The following NAT10 variants were observed in gnomAD, a reference collection of about 807,000 sequenced individuals.
NAT10 encodes the protein RNA cytidine acetyltransferase.
NAT10 carries 109 observed loss-of-function variants against 132.2 expected under a neutral mutation model. The observed-to-expected ratio is 0.82, with a 90% CI of 0.71 to 0.97. The LOEUF is 0.97. Among genes scored for constraint, NAT10 ranks in the 50% least tolerant of loss-of-function variants. The pLI is 0.00. For synonymous variants in NAT10, 479 were observed against 478.0 expected (o/e 1.00, Z -0.03); for missense variants, 1,184 against 1,263.4 (o/e 0.94, Z 0.95).
intron 10 of NAT10, among the ~76,000 whole-genome samples, 181 bp downstream of exon 10, chr11:34,124,036 G>C (rs1851942248): frequency 6.6e-6 from 1 of 152,190 alleles, no homozygotes; most frequent in South Asian, 2.1e-4. Flanking sequence ...GGGTGTGGTG[G>C]CGCATGCCTG....
intron 4 of NAT10, among the ~76,000 whole-genome samples, chr11:34,113,144 G>A (rs1851724340): frequency 1.3e-5 from 2 of 152,158 alleles, no homozygotes; most frequent in African/African-American, 4.8e-5. Flanking sequence ...TCAATTGCCT[G>A]AATAATGACT....
At chr11:34,135,143 C>G (rs528938613) in intron 18 of NAT10, 32 bp from the exon 19 acceptor site, 1 of 1,568,412 alleles carries the variant, frequency 6.4e-7, no homozygotes, top group East Asian at 2.2e-5. Context: ...GCTCTCTTCC[C>G]TCGGCCTCTT....
intron 16 of NAT10, among the ~76,000 whole-genome samples, chr11:34,133,923 C>T (rs901774693): frequency 1.3e-5 from 2 of 150,720 alleles, no homozygotes; most frequent in South Asian, 2.1e-4. Context: ...GAGGCCGAGG[C>T]GGGCGGATCA....
chr11:34,139,667 G>C (rs1852285916), intron 23 of NAT10, among the ~76,000 whole-genome samples, 172 bp downstream of exon 23: 3 of 152,182 alleles, frequency 2.0e-5, no homozygotes, highest in Non-Finnish European at 4.4e-5. Flanking sequence ...AGGCTGTGCT[G>C]TCTTTCATTT....
chr11:34,141,900 C>T, intron 26 of NAT10, 83 bp downstream of exon 26: 4 of 1,189,484 alleles, frequency 3.4e-6, no homozygotes, highest in Non-Finnish European at 4.9e-6. Context: ...CTTCCCCTTC[C>T]CCTTTAGAAA....
At chr11:34,124,449 A>G (rs773733413) in intron 11 of NAT10, 49 bp downstream of exon 11, 1 of 1,357,574 alleles carries the variant, frequency 7.4e-7, no homozygotes, top group Non-Finnish European at 1.0e-6. Context: ...GTCTTGCTGT[A>G]TTTAACTGGC....
At chr11:34,117,172 CT>C (rs138478851) in intron 6 of NAT10, among the ~76,000 whole-genome samples, 12,967 of 152,250 alleles carry the variant, frequency 0.085, 572 homozygotes, top group African/African-American at 0.092. Context: ...CAGCAGGGAC[CT>C]GTTTAACTGA....
chr11:34,133,968 C>A (rs192547185), intron 16 of NAT10, among the ~76,000 whole-genome samples: 2 of 149,192 alleles, frequency 1.3e-5, no homozygotes, highest in Admixed American at 1.3e-4. Context: ...CTGGCTAACA[C>A]GGTGAAACCC....
chr11:34,131,694 T>C (rs1358637877), intron 14 of NAT10, among the ~76,000 whole-genome samples, 163 bp downstream of exon 14: 4 of 149,396 alleles, frequency 2.7e-5, no homozygotes, highest in African/African-American at 7.4e-5. Flanking sequence ...TTCTTTCTTT[T>C]TTTTTTTTTT....
rs182638447 is a variant in NAT10 at position 34,144,343 on chromosome 11, C to T, written c.2969+815C>T. The stretch of plus-strand genomic sequence containing the variant: ...AAAATTCATTTGTTCACAGTAATAA[C>T]GGACTCAGTCGTTTTGAAAAATACT... On this transcript the variant is annotated intron_variant, in intron 28 of 28. Transcript: ENST00000257829. Among the ~76,000 whole-genome samples the T allele has an allele frequency of 1.9e-4, 29 of 152,276 alleles. 1 individual carries two copies. The highest frequency in any genetic ancestry group is 1.2e-3 in the Admixed American group (19 of 15,292).
intron 13 of NAT10, among the ~76,000 whole-genome samples, 158 bp downstream of exon 13, chr11:34,131,095 A>G (rs1187968383): frequency 6.6e-6 from 1 of 152,084 alleles, no homozygotes; most frequent in Non-Finnish European, 1.5e-5. Flanking sequence ...TTTTCGGAGG[A>G]ACAGCAGTCC....
chr11:34,145,549 C>T (rs772148980), intron 28 of NAT10, among the ~76,000 whole-genome samples: 5 of 152,104 alleles, frequency 3.3e-5, no homozygotes, highest in African/African-American at 9.7e-5. Flanking sequence ...AGGGGCTGGT[C>T]GCAGGGTGTC....
At chr11:34,129,389 G>C (rs529233500) in intron 12 of NAT10, among the ~76,000 whole-genome samples, 1 of 152,202 alleles carries the variant, frequency 6.6e-6, no homozygotes, top group East Asian at 1.9e-4. Context: ...AATGATATTA[G>C]CATCTTTACA....
intron 28 of NAT10, among the ~76,000 whole-genome samples, chr11:34,144,445 C>T (rs1021433876): frequency 3.3e-5 from 5 of 152,134 alleles, no homozygotes; most frequent in African/African-American, 1.2e-4. Context: ...CAATATCTGG[C>T]TTAACAGAAG....
At chr11:34,136,276 T>C (rs1044474451) in intron 19 of NAT10, among the ~76,000 whole-genome samples, 1 of 152,096 alleles carries the variant, frequency 6.6e-6, no homozygotes, top group Admixed American at 6.5e-5. Flanking sequence ...GCGATGGGGT[T>C]TTGCCATGTT....
chr11:34,121,394 C>T (rs555437234), intron 8 of NAT10, among the ~76,000 whole-genome samples: 6 of 152,110 alleles, frequency 3.9e-5, no homozygotes, highest in East Asian at 3.9e-4. Context: ...GATTCGCTGA[C>T]GAATCAAGTT....
intron 3 of NAT10, among the ~76,000 whole-genome samples, chr11:34,111,694 G>A (rs1851697910): frequency 6.6e-6 from 1 of 152,216 alleles, no homozygotes; most frequent in Non-Finnish European, 1.5e-5. Flanking sequence ...TGTAGTTGAA[G>A]CATTGGCTTA....
At position 34,118,556 on chromosome 11, in the gene NAT10, G is replaced by A. The variant is rs1006402071; in HGVS notation, c.780+53G>A. Reference sequence around the variant, plus strand: ...ACAAAGGTAGTAAAACATAGCATACGGAGCGTAACAGAAGCCAAGGTACGT... The same window carrying A: ...ACAAAGGTAGTAAAACATAGCATACAGAGCGTAACAGAAGCCAAGGTACGT... On this transcript the variant is annotated intron_variant, in intron 8 of 28. Transcript: ENST00000257829. 23 of 1,469,766 alleles carry A rather than the reference G, an allele frequency of 1.6e-5. No homozygotes were observed. In the East Asian group the frequency reaches 4.2e-4, roughly 27 times the overall value. The allele number at this position is 1,469,766 out of a possible 1,614,324, so 91.0% of individuals were successfully genotyped here.
chr11:34,122,612 C>A lies in NAT10; in HGVS notation c.914+20C>A. The A allele has an allele frequency of 6.2e-7, 1 of 1,612,858 alleles. No individual in the cohort carries two copies. On this transcript the variant is annotated intron_variant, in intron 9 of 28. Transcript: ENST00000257829. ...ATTTGGGTAAGGGGATTCAGTCCCC[C>A]ATCTTTAGGAACTCTGGGCTCTGTG...
Sources: allele counts gnomAD v4.1 joint callset (sites outside exome capture counted in the v4.1 genomes callset), GRCh38; gene constraint gnomAD v4.1.1; transcripts MANE v1.5; gene names NCBI Gene and HGNC (gene_info 2026-07-23, HGNC 2026-07-21).